EBF2: variants seen among roughly 807,000 people sequenced by gnomAD.
EBF2 encodes the protein transcription factor COE2.
Under a neutral mutation model 72.8 loss-of-function variants are expected in EBF2, and 21 were observed. The observed-to-expected ratio is 0.29, with a 90% CI of 0.20 to 0.42. The LOEUF is 0.42. EBF2 is among the 10% of genes least tolerant of loss of function. EBF2 has a pLI of 1.00. For missense variants in EBF2, 637 were observed against 731.2 expected (o/e 0.87, Z 1.49); for synonymous variants, 299 against 274.2 (o/e 1.09, Z -0.89).
rs369989361 is a variant in EBF2 at position 25,908,035 on chromosome 8, G to T, written c.633+439C>A. ...GATCTTAAAGTGACCACGCTGCTTGGGCTGCTGCCTTCCAGAAGGCTCAGA... is the reference window on the plus strand; with the variant it reads ...GATCTTAAAGTGACCACGCTGCTTGTGCTGCTGCCTTCCAGAAGGCTCAGA... On this transcript the variant is annotated intron_variant, in intron 7 of 15. Coordinates refer to ENST00000520164, the MANE Select transcript of EBF2 (RefSeq NM_022659.4). 1.5e-3 allele frequency among the ~76,000 whole-genome samples: 224 copies of T among 152,286 alleles called. 1 individual carries two copies. Among genetic ancestry groups the T allele is most frequent in the African/African-American group, 4.9e-3 (205 of 41,564 alleles).
chr8:25,996,295 CAA>C lies in EBF2; in HGVS notation c.551+36788_551+36789del, dbSNP rs72054331. ...TGGGCAACAGAGTGAGACCCTGTCT[CAA>C]AAAAAAAAAAAAAAATGAAGAAGGT... On this transcript the variant is annotated intron_variant, in intron 6 of 15. Transcript: ENST00000520164. Among the ~76,000 whole-genome samples the C allele has an allele frequency of 3.6e-3, 455 of 125,484 alleles. 1 individual carries two copies. Among genetic ancestry groups the C allele is most frequent in the Admixed American group, 6.9e-3 (86 of 12,410 alleles). The allele number at this position is 125,484 out of a possible 152,430, so 82.3% of individuals were successfully genotyped here. A position where few individuals can be genotyped will look rare whatever the true frequency, so the allele number is the denominator to read the frequency against.
chr8:25,861,404 CA>C, intron 11 of EBF2, 30 bp from the exon 12 acceptor site: 1 of 1,612,450 alleles, frequency 6.2e-7, no homozygotes, highest in Non-Finnish European at 8.5e-7. Context: ...GGGATATTGT[CA>C]AAGGCAAAAT....
chr8:25,867,569 G>A (rs1023334982), intron 10 of EBF2, among the ~76,000 whole-genome samples: 1 of 152,150 alleles, frequency 6.6e-6, no homozygotes, highest in Non-Finnish European at 1.5e-5. Flanking sequence ...TGTAAATGAT[G>A]CTCCTCAAGA....
intron 6 of EBF2, among the ~76,000 whole-genome samples, chr8:25,990,809 T>TA (rs1804530096): frequency 6.6e-6 from 1 of 152,216 alleles, no homozygotes; most frequent in Admixed American, 6.5e-5. Flanking sequence ...ACACACGTCT[T>TA]TCAGCTCTTC....
At chr8:26,025,211 A>G (rs1805282118) in intron 6 of EBF2, among the ~76,000 whole-genome samples, 1 of 152,182 alleles carries the variant, frequency 6.6e-6, no homozygotes, top group Non-Finnish European at 1.5e-5. Context: ...ACAGAGAAAG[A>G]AAGGATGGGA....
At chr8:25,978,668 A>AC (rs1804306546) in intron 6 of EBF2, among the ~76,000 whole-genome samples, 1 of 151,872 alleles carries the variant, frequency 6.6e-6, no homozygotes, top group Admixed American at 6.6e-5. Flanking sequence ...AGGAAATGGG[A>AC]CCCCCACAAC....
chr8:25,872,923 G>T (rs770576220), intron 10 of EBF2, among the ~76,000 whole-genome samples: 3 of 152,288 alleles, frequency 2.0e-5, no homozygotes, highest in South Asian at 2.1e-4. Flanking sequence ...TCCTGCCCTC[G>T]TGCCACTTTA....
At chr8:25,873,882 G>A (rs1341535425) in intron 10 of EBF2, among the ~76,000 whole-genome samples, 1 of 152,166 alleles carries the variant, frequency 6.6e-6, no homozygotes, top group African/African-American at 2.4e-5. Context: ...ATCCATTAAG[G>A]GGCTGGGATG....
At chr8:25,846,191 T>C (rs976082206) in intron 15 of EBF2, among the ~76,000 whole-genome samples, 3 of 152,202 alleles carry the variant, frequency 2.0e-5, no homozygotes, top group African/African-American at 7.2e-5. Flanking sequence ...CTTAGAGATA[T>C]AGCAACCCTA....
intron 6 of EBF2, among the ~76,000 whole-genome samples, chr8:25,978,151 C>T (rs1230976744): frequency 2.6e-5 from 4 of 152,076 alleles, no homozygotes; most frequent in Non-Finnish European, 4.4e-5. Flanking sequence ...TACTGCAGCC[C>T]CCTCCCCATG....
At chr8:25,977,101 G>T (rs1804280276) in intron 6 of EBF2, among the ~76,000 whole-genome samples, 1 of 152,118 alleles carries the variant, frequency 6.6e-6, no homozygotes, top group Non-Finnish European at 1.5e-5. Context: ...TCTGATTAGG[G>T]AATACAGCAG....
intron 6 of EBF2, among the ~76,000 whole-genome samples, chr8:25,985,566 C>T (rs1804436066): frequency 6.6e-6 from 1 of 152,196 alleles, no homozygotes; most frequent in South Asian, 2.1e-4. Flanking sequence ...CAGTTTCCTC[C>T]TCTGTAAAAC....
rs565538150 is a variant in EBF2, at chr8:25,995,561, G to C, written c.551+37524C>G. On this transcript the variant is annotated intron_variant, in intron 6 of 15. Transcript: ENST00000520164. Reference sequence around the variant, plus strand: ...ATGCTATTTAAAAGAACACTCAGATGTTCCATAACTCCATGAATTTATGAA... The same window carrying C: ...ATGCTATTTAAAAGAACACTCAGATCTTCCATAACTCCATGAATTTATGAA... Among the ~76,000 whole-genome samples, 13 of 152,208 alleles carry C rather than the reference G, an allele frequency of 8.5e-5. No homozygotes were observed. In the South Asian group the frequency reaches 2.5e-3, roughly 29 times the overall value.
intron 6 of EBF2, among the ~76,000 whole-genome samples, chr8:25,930,682 C>T (rs1435497881): frequency 6.6e-6 from 1 of 152,214 alleles, no homozygotes; most frequent in African/African-American, 2.4e-5. Flanking sequence ...AAACAAACCT[C>T]TTTCTGTTGC....
chr8:25,928,215 A>G (rs568325368), intron 6 of EBF2, among the ~76,000 whole-genome samples: 1 of 152,308 alleles, frequency 6.6e-6, no homozygotes, highest in Admixed American at 6.5e-5. Context: ...TGAGACATGT[A>G]CCCACTCTCT....
Position 25,841,930 on chromosome 8 carries a change from A to G in EBF2, c.*2679T>C, listed in dbSNP as rs142511592. The G allele has an allele frequency of 2.1e-4, 32 of 152,360 alleles. No homozygotes were observed. Among genetic ancestry groups the G allele is most frequent in the African/African-American group, 7.7e-4 (32 of 41,594 alleles). 9.4% of individuals were successfully genotyped at this position (152,360 alleles called of 1,614,324 possible). ...AAGCAAAACAATAAAATGAAACTATACAGTGTGAAAATGAAACCTTACTGT... is the reference window on the plus strand; with the variant it reads ...AAGCAAAACAATAAAATGAAACTATGCAGTGTGAAAATGAAACCTTACTGT... On this transcript the variant is annotated 3_prime_UTR_variant, in exon 16 of 16. Coordinates refer to ENST00000520164, the MANE Select transcript of EBF2 (RefSeq NM_022659.4).
chr8:25,902,120 C>T (rs1205911540), intron 7 of EBF2, among the ~76,000 whole-genome samples: 1 of 152,158 alleles, frequency 6.6e-6, no homozygotes, highest in African/African-American at 2.4e-5. Context: ...ACAATAAGCT[C>T]TAAATTATTG....
chr8:25,945,095 C>CCG (rs1554572386), intron 6 of EBF2, among the ~76,000 whole-genome samples: 1 of 144,880 alleles, frequency 6.9e-6, no homozygotes, highest in Non-Finnish European at 1.5e-5. Flanking sequence ...GTTGCCCCCC[C>CCG]CGCCCCACCC....
chr8:25,990,177 G>A (rs1804522079), intron 6 of EBF2, among the ~76,000 whole-genome samples: 1 of 148,768 alleles, frequency 6.7e-6, no homozygotes, highest in East Asian at 2.0e-4. Context: ...ATAATACAGA[G>A]CTATGGGTTA....
Sources: allele counts gnomAD v4.1 joint callset (sites outside exome capture counted in the v4.1 genomes callset), GRCh38; gene constraint gnomAD v4.1.1; transcripts MANE v1.5; gene names NCBI Gene and HGNC (gene_info 2026-07-23, HGNC 2026-07-21).